ERP27: variants seen among roughly 807,000 people sequenced by gnomAD.
The protein encoded by ERP27 is endoplasmic reticulum protein 27.
ERP27 carries 23 observed loss-of-function variants against 27.7 expected under a neutral mutation model. The ratio of observed to expected loss-of-function variants is 0.83; its 90% CI spans 0.60 to 1.18. The LOEUF is 1.18. Ranked by LOEUF, ERP27 falls within the 50% of genes most tolerant of loss-of-function variation. ERP27 has a pLI of 0.00. For missense variants in ERP27, 363 were observed against 327.9 expected (o/e 1.11, Z -0.83); for synonymous variants, 159 against 118.3 (o/e 1.34, Z -2.23).
intron 3 of ERP27, among the ~76,000 whole-genome samples, chr12:14,930,755 A>T (rs532244963): frequency 6.6e-6 from 1 of 152,358 alleles, no homozygotes; most frequent in South Asian, 2.1e-4. Context: ...CAACATTTCA[A>T]GCATGAGTAA....
chr12:14,928,484 T>C (rs1281975425), intron 3 of ERP27, among the ~76,000 whole-genome samples: 2 of 152,210 alleles, frequency 1.3e-5, no homozygotes, highest in Non-Finnish European at 2.9e-5. Flanking sequence ...GATCTAGTCA[T>C]TCTCTTCCAA....
intron 3 of ERP27, among the ~76,000 whole-genome samples, chr12:14,933,902 G>A (rs1477331386): frequency 6.6e-6 from 1 of 152,056 alleles, no homozygotes; most frequent in East Asian, 1.9e-4. Flanking sequence ...CCTAACAAAA[G>A]CTCCCTCTTC....
intron 3 of ERP27, among the ~76,000 whole-genome samples, chr12:14,922,633 G>C (rs539090436): frequency 6.6e-6 from 1 of 151,980 alleles, no homozygotes; most frequent in Non-Finnish European, 1.5e-5. Flanking sequence ...CATCTTTATC[G>C]CTAATGTGTA....
At chr12:14,937,272 G>A (rs150217846) in intron 2 of ERP27, among the ~76,000 whole-genome samples, 17 of 152,326 alleles carry the variant, frequency 1.1e-4, no homozygotes, top group Middle Eastern at 3.4e-3. Flanking sequence ...AAGAAGGTCT[G>A]CTATGAGAGA....
At position 14,920,973 on chromosome 12, in the gene ERP27, C is replaced by T. The variant is rs766313762; in HGVS notation, c.409G>A (p.Glu137Lys). Residue 137 changes from glutamate (E) to lysine (K), a missense_variant, in exon 4 of 7, where the codon GAG (glutamate) becomes AAG (lysine). Physicochemically the swap from Glu to Lys is moderately conservative, Grantham distance 56. Coordinates refer to ENST00000266397, the MANE Select transcript of ERP27 (RefSeq NM_152321.4). ...GTCACCATGTGGAGGCTGTTGATCTCAATGAAACGGCTCAATTTGGTGGCA... is the reference window on the plus strand; with the variant it reads ...GTCACCATGTGGAGGCTGTTGATCTTAATGAAACGGCTCAATTTGGTGGCA... The part of the protein sequence containing the change: ...IDATKLSRFI[E>K]INSLHMVTEY... 5.6e-6 allele frequency: 9 copies of T among 1,614,084 alleles called. No individual in the cohort carries two copies. Among genetic ancestry groups the T allele is most frequent in the Admixed American group, 3.3e-5 (2 of 60,026 alleles).
intron 3 of ERP27, among the ~76,000 whole-genome samples, chr12:14,921,415 G>A (rs1357251652): frequency 6.6e-6 from 1 of 152,194 alleles, no homozygotes; most frequent in Non-Finnish European, 1.5e-5. Flanking sequence ...TGAGATGTGA[G>A]AGGTTGCGTT....
chr12:14,934,447 A>C (rs1236323023), intron 3 of ERP27, among the ~76,000 whole-genome samples: 3 of 152,230 alleles, frequency 2.0e-5, no homozygotes, highest in Non-Finnish European at 4.4e-5. Context: ...GCATACAGGA[A>C]GTATTTAATA....
In ERP27 at chr12:14,934,953, A is replaced by C. The variant is rs1863753299; in HGVS notation, c.236T>G (p.Val79Gly). The change falls in exon 3 of 7, where the codon GTG becomes GGG. Residue 79 changes from valine (V) to glycine (G), a missense_variant. By Grantham distance (109) the Val-to-Gly change is moderately radical (BLOSUM62 -3). Coordinates refer to ENST00000266397, the MANE Select transcript of ERP27 (RefSeq NM_152321.4). The part of the protein sequence containing the change: ...IPAVPILHSM[V>G]QKFPGVSFGI... ...AAATGACACGCCTGGGAATTTTTGC[A>C]CCATGCTATGGAGTATGGGCACTGC... 6 of 1,614,132 alleles carry C rather than the reference A, an allele frequency of 3.7e-6. No homozygotes were observed. In the South Asian group the frequency reaches 5.5e-5, roughly 15 times the overall value.
intron 3 of ERP27, chr12:14,928,801 G>C (rs956419503): frequency 1.5e-6 from 1 of 662,096 alleles, no homozygotes; most frequent in Non-Finnish European, 2.5e-6. Flanking sequence ...CAAGAGAAAA[G>C]GTCTTAGGTA....
intron 3 of ERP27, among the ~76,000 whole-genome samples, chr12:14,927,322 TGC>T (rs1032210345): frequency 5.9e-5 from 9 of 152,150 alleles, no homozygotes; most frequent in African/African-American, 1.9e-4. Flanking sequence ...TGTGTGTGTG[TGC>T]GTGTGTGCAT....
intron 3 of ERP27, among the ~76,000 whole-genome samples, chr12:14,933,101 G>GATTCTTCATAT (rs1863720283): frequency 6.6e-6 from 1 of 151,182 alleles, no homozygotes; most frequent in Admixed American, 6.6e-5. Context: ...TTCATTCATT[G>GATTCTTCATAT]ATTCTTCATA....
intron 4 of ERP27, among the ~76,000 whole-genome samples, chr12:14,918,718 G>A (rs1863453168): frequency 6.6e-6 from 1 of 152,190 alleles, no homozygotes; most frequent in Admixed American, 6.5e-5. Context: ...ACACAAGTTT[G>A]TAAAGATTCT....
At chr12:14,933,133 T>TGTGC (rs1863721562) in intron 3 of ERP27, among the ~76,000 whole-genome samples, 1 of 152,170 alleles carries the variant, frequency 6.6e-6, no homozygotes, top group Admixed American at 6.5e-5. Flanking sequence ...AACAAATACT[T>TGTGC]AGTGAGCACC....
At chr12:14,933,583 G>A (rs924163208) in intron 3 of ERP27, among the ~76,000 whole-genome samples, 1 of 152,034 alleles carries the variant, frequency 6.6e-6, no homozygotes. Flanking sequence ...GGGAAAGAAA[G>A]GATGGAAACT....
intron 4 of ERP27, among the ~76,000 whole-genome samples, chr12:14,917,825 C>G (rs1863436289): frequency 6.6e-6 from 1 of 152,208 alleles, no homozygotes; most frequent in Non-Finnish European, 1.5e-5. Flanking sequence ...GACCTCAAAC[C>G]AGAAGCACCT....
intron 4 of ERP27, among the ~76,000 whole-genome samples, chr12:14,919,983 G>A (rs1460035100): frequency 6.6e-6 from 1 of 152,164 alleles, no homozygotes; most frequent in Non-Finnish European, 1.5e-5. Context: ...ATGAAAAAAT[G>A]AGGATGAAAG....
rs1863804030 is a variant in ERP27 at position 14,938,399 on chromosome 12, T to C, written c.94+16A>G. Reference sequence around the variant, plus strand: ...CACTTTCACACTATAGCCACCCAACTACATTTTTCTTTTACCTGAGGATTT... The same window carrying C: ...CACTTTCACACTATAGCCACCCAACCACATTTTTCTTTTACCTGAGGATTT... On this transcript the variant is annotated intron_variant, in intron 1 of 6. Coordinates refer to ENST00000266397, the MANE Select transcript of ERP27 (RefSeq NM_152321.4). 2 of 1,613,410 alleles carry C rather than the reference T, an allele frequency of 1.2e-6. No individual in the cohort carries two copies. The highest frequency in any genetic ancestry group is 1.1e-5 in the South Asian group (1 of 91,068).
chr12:14,937,203 A>G (rs1863785604), intron 2 of ERP27, among the ~76,000 whole-genome samples: 1 of 152,128 alleles, frequency 6.6e-6, no homozygotes, highest in South Asian at 2.1e-4. Context: ...GTGATTTCCA[A>G]CTGTGTACGC....
At chr12:14,929,174 C>T in intron 3 of ERP27, 1 of 1,366,918 alleles carries the variant, frequency 7.3e-7, no homozygotes, top group Non-Finnish European at 9.5e-7. Flanking sequence ...GGCAGTCCTT[C>T]ATACTTCCCA....
Sources: gnomAD v4.1 joint callset for allele counts (sites outside exome capture counted in the v4.1 genomes callset) on GRCh38, gnomAD v4.1.1 for gene constraint, MANE v1.5 for transcripts, NCBI Gene and HGNC (gene_info 2026-07-23, HGNC 2026-07-21) for gene names.